MALRD1: variants seen among roughly 807,000 people sequenced by gnomAD.
MALRD1 encodes MAM and LDL-receptor class A domain-containing protein 1.
Under a neutral mutation model 242.1 loss-of-function variants are expected in MALRD1, and 247 were observed. The observed-to-expected ratio is 1.02, with a 90% confidence interval of 0.92 to 1.13. The LOEUF (loss-of-function observed/expected upper bound fraction) is 1.13. MALRD1 is among the 50% of genes most tolerant of loss of function. MALRD1 has a pLI of 0.00. For missense variants in MALRD1, 2,989 were observed against 2,533.1 expected (o/e 1.18, Z -3.86); for synonymous variants, 995 against 866.6 (o/e 1.15, Z -2.60).
chr10:19,148,041 A>G (rs1304110057), intron 11 of MALRD1, among the ~76,000 whole-genome samples: 1 of 152,196 alleles, frequency 6.6e-6, no homozygotes, highest in Non-Finnish European at 1.5e-5. Flanking sequence ...CTGCAGGATG[A>G]TGGTGACCCA....
At chr10:19,408,406 A>C (rs151191531) in intron 28 of MALRD1, among the ~76,000 whole-genome samples, 21 of 152,306 alleles carry the variant, frequency 1.4e-4, no homozygotes, top group Admixed American at 3.9e-4. Context: ...TTCTCTTCAT[A>C]AGCACATTCT....
chr10:19,721,428 G>C (rs1704582437), intron 38 of MALRD1, among the ~76,000 whole-genome samples: 1 of 151,976 alleles, frequency 6.6e-6, no homozygotes, highest in African/African-American at 2.4e-5. Flanking sequence ...TAATGCAATA[G>C]GCATGACTCA....
intron 2 of MALRD1, among the ~76,000 whole-genome samples, chr10:19,081,202 G>A (rs1381821156): frequency 6.6e-6 from 1 of 152,130 alleles, no homozygotes; most frequent in South Asian, 2.1e-4. Context: ...GGAAGACAGT[G>A]TGGCAATTCC....
chr10:19,594,251 T>A (rs1408459685), intron 33 of MALRD1, among the ~76,000 whole-genome samples: 2 of 152,182 alleles, frequency 1.3e-5, no homozygotes, highest in Non-Finnish European at 2.9e-5. Context: ...CTTCTTTAAT[T>A]TGAAGGTGTC....
At chr10:19,140,928 A>G (rs991102535) in intron 10 of MALRD1, among the ~76,000 whole-genome samples, 4 of 152,192 alleles carry the variant, frequency 2.6e-5, no homozygotes, top group Non-Finnish European at 5.9e-5. Context: ...CTGAGAGTAG[A>G]TCTGAAATGT....
chr10:19,462,426 G>A (rs2131100676), intron 29 of MALRD1, among the ~76,000 whole-genome samples: 1 of 152,322 alleles, frequency 6.6e-6, no homozygotes, highest in South Asian at 2.1e-4. Flanking sequence ...CCACAATTTT[G>A]CATCTCCTTC....
intron 36 of MALRD1, among the ~76,000 whole-genome samples, chr10:19,673,368 C>T (rs1381058646): frequency 6.6e-6 from 1 of 152,080 alleles, no homozygotes; most frequent in African/African-American, 2.4e-5. Flanking sequence ...GCCTGGGTGA[C>T]AGAGTGGGAC....
chr10:19,489,229 T>G, intron 29 of MALRD1: 1 of 475,646 alleles, frequency 2.1e-6, no homozygotes, highest in Non-Finnish European at 4.3e-6. Flanking sequence ...CAGCGAAGGA[T>G]ACATCTTAAG....
chr10:19,295,906 T>A (rs1050111641), intron 21 of MALRD1, among the ~76,000 whole-genome samples: 3 of 152,150 alleles, frequency 2.0e-5, no homozygotes, highest in Non-Finnish European at 4.4e-5. Flanking sequence ...TTTAAACAAA[T>A]TCCCAGGTGA....
In MALRD1 at chr10:19,730,777, C is replaced by T. The variant is rs755891954; in HGVS notation, c.6386C>T (p.Thr2129Ile). 9 of 1,536,556 alleles carry T rather than the reference C, an allele frequency of 5.9e-6. No individual in the cohort carries two copies. The highest frequency in any genetic ancestry group is 7.8e-6 in the Non-Finnish European group (9 of 1,146,950). ...GGGAACTGGAGCAACCCAGAGAAAA[C>T]AGAGGTAAGTGGCAAGGGTGAACTA... The part of the protein sequence containing the change: ...VYGNWSNPEK[T>I]ESSVYSFSNP... Residue 2129 changes from threonine (T) to isoleucine (I), a missense_variant, in exon 39 of 40, where the codon ACA becomes ATA. Coordinates refer to ENST00000454679, the MANE Select transcript of MALRD1 (RefSeq NM_001142308.3).
chr10:19,079,929 G>A (rs2803830), intron 2 of MALRD1, among the ~76,000 whole-genome samples: 149,656 of 152,154 alleles, frequency 0.98, 73,605 homozygotes, highest in East Asian at 1. Context: ...ATCTCAGGAT[G>A]CAAAATCAGT....
intron 21 of MALRD1, among the ~76,000 whole-genome samples, chr10:19,295,462 GGTGTGTGT>G (rs10685643): frequency 6.7e-6 from 1 of 149,012 alleles, no homozygotes; most frequent in Non-Finnish European, 1.5e-5. Flanking sequence ...GTATGTTTTG[GGTGTGTGT>G]GTGTGTGTGT....
intron 30 of MALRD1, among the ~76,000 whole-genome samples, chr10:19,495,662 A>G (rs1419079971): frequency 6.6e-6 from 1 of 151,426 alleles, no homozygotes; most frequent in Non-Finnish European, 1.5e-5. Flanking sequence ...AAGCAACCAG[A>G]CAAACAAATC....
intron 28 of MALRD1, among the ~76,000 whole-genome samples, chr10:19,437,997 C>G (rs2130971098): frequency 6.6e-6 from 1 of 152,048 alleles, no homozygotes; most frequent in African/African-American, 2.4e-5. Flanking sequence ...TTAAATATGC[C>G]TTGGTAGAAG....
chr10:19,593,333 A>T (rs1036661806), intron 33 of MALRD1, among the ~76,000 whole-genome samples: 1 of 152,200 alleles, frequency 6.6e-6, no homozygotes. Flanking sequence ...TCTCAGATAC[A>T]TGGCTTTGGT....
intron 5 of MALRD1, among the ~76,000 whole-genome samples, chr10:19,111,399 A>G (rs1256664256): frequency 6.6e-6 from 1 of 152,240 alleles, no homozygotes; most frequent in Non-Finnish European, 1.5e-5. Context: ...AGAGGCATCA[A>G]TAAATGTTAA....
intron 14 of MALRD1, among the ~76,000 whole-genome samples, chr10:19,183,542 T>A (rs1165177389): frequency 6.6e-6 from 1 of 152,218 alleles, no homozygotes; most frequent in Non-Finnish European, 1.5e-5. Flanking sequence ...TTAATGCTAT[T>A]TATTTTAATT....
intron 5 of MALRD1, among the ~76,000 whole-genome samples, chr10:19,109,272 G>A (rs1187588971): frequency 5.3e-5 from 8 of 152,134 alleles, no homozygotes; most frequent in Admixed American, 3.9e-4. Flanking sequence ...TGGGTCAAGC[G>A]TTACCTCCCT....
At chr10:19,077,625 T>C (rs1267959610) in intron 2 of MALRD1, among the ~76,000 whole-genome samples, 1 of 151,926 alleles carries the variant, frequency 6.6e-6, no homozygotes, top group Admixed American at 6.6e-5. Flanking sequence ...TCTGAAGTGC[T>C]TGTTTTTACA....
Sources: gnomAD v4.1 joint callset for allele counts (sites outside exome capture counted in the v4.1 genomes callset) on GRCh38, gnomAD v4.1.1 for gene constraint, MANE v1.5 for transcripts, NCBI Gene and HGNC (gene_info 2026-07-23, HGNC 2026-07-21) for gene names.